ENTREP2: variants seen among roughly 807,000 people sequenced by gnomAD.
ENTREP2 encodes the protein protein ENTREP2.
At chr15:29,569,481 T>G in the ENTREP2 span, 1 of 152,258 alleles carries the variant, frequency 6.6e-6, no homozygotes. Context: ...TTTGGATTTC[T>G]GTAGATGGAA....
chr15:29,137,367 C>T, the ENTREP2 span, among the ~76,000 whole-genome samples: 36 of 152,286 alleles, frequency 2.4e-4, no homozygotes, highest in African/African-American at 7.5e-4. Flanking sequence ...AGGAACGCCT[C>T]GTCTCAGAAG....
At chr15:29,621,604 A>AC in the ENTREP2 span, among the ~76,000 whole-genome samples, 2 of 150,870 alleles carry the variant, frequency 1.3e-5, no homozygotes, top group African/African-American at 4.8e-5. Flanking sequence ...AAAAAAAAAA[A>AC]AAAACCCAGA....
the ENTREP2 span, among the ~76,000 whole-genome samples, chr15:29,504,821 A>T: frequency 7.9e-3 from 1,206 of 152,330 alleles, 14 homozygotes; most frequent in South Asian, 0.033. Flanking sequence ...CATCTATCAA[A>T]CTAGAAGCTC....
the ENTREP2 span, among the ~76,000 whole-genome samples, chr15:29,402,377 A>G: frequency 9.0e-3 from 1,364 of 151,784 alleles, 14 homozygotes; most frequent in Non-Finnish European, 0.014. Context: ...ATGCAGTGGC[A>G]TGATCACAGC....
the ENTREP2 span, among the ~76,000 whole-genome samples, chr15:29,328,800 A>G: frequency 1.3e-5 from 2 of 152,208 alleles, no homozygotes; most frequent in African/African-American, 2.4e-5. Flanking sequence ...AGACATCACT[A>G]TGAACTCATG....
the ENTREP2 span, among the ~76,000 whole-genome samples, chr15:29,170,897 T>C: frequency 1.3e-5 from 2 of 152,232 alleles, no homozygotes; most frequent in Non-Finnish European, 2.9e-5. Context: ...GACTGGGTAA[T>C]TTACAAAGAA....
At chr15:29,128,626 T>A in the ENTREP2 span, among the ~76,000 whole-genome samples, 3 of 151,988 alleles carry the variant, frequency 2.0e-5, no homozygotes, top group Admixed American at 6.5e-5. Context: ...ACAGGGTATT[T>A]AATGGGAAAG....
chr15:29,464,536 T>C, the ENTREP2 span, among the ~76,000 whole-genome samples: 2 of 152,192 alleles, frequency 1.3e-5, no homozygotes, highest in Non-Finnish European at 2.9e-5. Flanking sequence ...GAGGGGACTA[T>C]CAGAGCAGAA....
the ENTREP2 span, among the ~76,000 whole-genome samples, chr15:29,370,830 C>T: frequency 1.3e-5 from 2 of 152,044 alleles, no homozygotes; most frequent in African/African-American, 4.8e-5. Context: ...CTCTTACTCG[C>T]TCCAAAAAAC....
chr15:29,513,409 C>G, the ENTREP2 span, among the ~76,000 whole-genome samples: 1 of 152,290 alleles, frequency 6.6e-6, no homozygotes, highest in East Asian at 1.9e-4. Context: ...TAAGGTTCCA[C>G]GGAACCTAGT....
the ENTREP2 span, among the ~76,000 whole-genome samples, chr15:29,261,044 T>C: frequency 6.6e-6 from 1 of 152,062 alleles, no homozygotes; most frequent in Non-Finnish European, 1.5e-5. Context: ...GCAATAAAAA[T>C]AGACTATATA....
the ENTREP2 span, among the ~76,000 whole-genome samples, chr15:29,394,414 T>C: frequency 1.3e-5 from 2 of 152,074 alleles, no homozygotes; most frequent in African/African-American, 4.8e-5. Flanking sequence ...TTATTTTAAG[T>C]TAAAAATTCC....
the ENTREP2 span, among the ~76,000 whole-genome samples, chr15:29,562,762 GT>G: frequency 3.9e-3 from 577 of 147,382 alleles, 3 homozygotes; most frequent in African/African-American, 0.013. Context: ...GTTGTTGTTG[GT>G]TTTTTTTGGT....
chr15:29,228,865 T>C, the ENTREP2 span, among the ~76,000 whole-genome samples: 5 of 152,156 alleles, frequency 3.3e-5, no homozygotes, highest in African/African-American at 9.7e-5. Flanking sequence ...AAAGCCCAAA[T>C]AGATCACAAA....
chr15:29,340,532 A>G, the ENTREP2 span, among the ~76,000 whole-genome samples: 1 of 152,184 alleles, frequency 6.6e-6, no homozygotes, highest in African/African-American at 2.4e-5. Flanking sequence ...TTGCAGCCTC[A>G]CTGGGAATGC....
At chr15:29,381,623 C>T in the ENTREP2 span, 11 of 652,246 alleles carry the variant, frequency 1.7e-5, no homozygotes, top group Non-Finnish European at 2.9e-5. Context: ...TCTCACAAGC[C>T]CATCAGCATT....
the ENTREP2 span, among the ~76,000 whole-genome samples, chr15:29,163,502 C>T: frequency 6.6e-6 from 1 of 151,840 alleles, no homozygotes; most frequent in Non-Finnish European, 1.5e-5. Flanking sequence ...AAATTGGACA[C>T]ACTTATAGTA....
At chr15:29,482,609 A>G in the ENTREP2 span, among the ~76,000 whole-genome samples, 1 of 152,136 alleles carries the variant, frequency 6.6e-6, no homozygotes, top group Non-Finnish European at 1.5e-5. Context: ...GCCTCTTCAG[A>G]CTGGCTTCTT....
the ENTREP2 span, among the ~76,000 whole-genome samples, chr15:29,402,292 T>TTGTG: frequency 0.033 from 4,376 of 131,700 alleles, 253 homozygotes; most frequent in African/African-American, 0.11. Flanking sequence ...GTATATTGTA[T>TTGTG]TGTGTGTGTG....
Sources: gnomAD v4.1 joint callset for allele counts (sites outside exome capture counted in the v4.1 genomes callset) on GRCh38, gnomAD v4.1.1 for gene constraint, MANE v1.5 for transcripts, NCBI Gene and HGNC (gene_info 2026-07-23, HGNC 2026-07-21) for gene names.